Variants in NIBAN3 observed in about 807,000 individuals in gnomAD.
NIBAN3 encodes niban apoptosis regulator 3, also known as protein Niban 3.
In NIBAN3, 66 loss-of-function variants were observed where a neutral mutation model predicts 76.4. That is an observed-to-expected ratio of 0.86 (90% CI 0.71 to 1.06). The LOEUF (loss-of-function observed/expected upper bound fraction) is 1.06. Ranked by LOEUF, NIBAN3 falls within the 50% of genes least tolerant of loss-of-function variation. The probability of loss-of-function intolerance (pLI) is 0.00; values close to 1 mark genes in which losing one functional copy is unlikely to be tolerated. For synonymous variants in NIBAN3, 360 were observed against 355.2 expected (o/e 1.01, Z -0.15); for missense variants, 808 against 810.7 (o/e 1.00, Z 0.04).
chr19:17,541,417 C>T (rs1284523805), intron 9 of NIBAN3, among the ~76,000 whole-genome samples: 1 of 151,990 alleles, frequency 6.6e-6, no homozygotes, highest in African/African-American at 2.4e-5. Flanking sequence ...ACTTTCATAC[C>T]ACTGTGGGTG....
Position 17,539,201 on chromosome 19 carries a change from G to T in NIBAN3, c.647G>T (p.Arg216Leu). Residue 216 changes from arginine to leucine, a missense_variant, in exon 6 of 15, where the codon CGA becomes CTA. By Grantham distance (102) the Arg-to-Leu change is moderately radical. Coordinates refer to ENST00000599164, the MANE Select transcript of NIBAN3 (RefSeq NM_001321827.2). ...GCCCGGGCCTTCCTGGACGCCGTCC[G>T]ACTCTACCGGCAGCACCAAGGCCAC... ...PAARAFLDAVRLYRQHQGHFG... is the reference protein window; with the variant it reads ...PAARAFLDAVLLYRQHQGHFG... 1 of 1,608,092 alleles carries T rather than the reference G, an allele frequency of 6.2e-7. No homozygotes were observed. Among genetic ancestry groups the T allele is most frequent in the South Asian group, 1.1e-5 (1 of 90,132 alleles).
At chr19:17,545,161 A>AT (rs869259254) in intron 12 of NIBAN3, 4 of 133,350 alleles carry the variant, frequency 3.0e-5, no homozygotes, top group East Asian at 2.2e-4. Flanking sequence ...AGACTATTTT[A>AT]TTTATTTTAT....
At chr19:17,528,351 C>G (rs2075648187) in intron 1 of NIBAN3, among the ~76,000 whole-genome samples, 4 of 152,140 alleles carry the variant, frequency 2.6e-5, no homozygotes, top group Admixed American at 6.6e-5. Context: ...CTCAGCCTCC[C>G]AAAGTGCTGG....
chr19:17,528,082 TTG>T (rs2075641442), intron 1 of NIBAN3, among the ~76,000 whole-genome samples: 1 of 151,478 alleles, frequency 6.6e-6, no homozygotes, highest in Admixed American at 6.6e-5. Context: ...GGTTTTTTTT[TTG>T]TTTGTTTTGT....
chr19:17,542,083 C>G lies in NIBAN3; in HGVS notation c.1171-53C>G. 6.2e-7 allele frequency: 1 copy of G among 1,609,228 alleles called. No individual in the cohort carries two copies. The highest frequency in any genetic ancestry group is 8.5e-7 in the Non-Finnish European group (1 of 1,176,044). The stretch of plus-strand genomic sequence containing the variant: ...TGAATTGGTAATGGGGTCCCTGGCC[C>G]TTTGCAATCAGCTGACAGCATTTTT... On this transcript the variant is annotated intron_variant, in intron 9 of 14. Coordinates refer to ENST00000599164, the MANE Select transcript of NIBAN3 (RefSeq NM_001321827.2). This position sits in a 1 kb window ranked among gnomAD's most constrained non-coding sequence, Gnocchi z 4.8.
At position 17,551,999 on chromosome 19, in the gene NIBAN3, C is replaced by A; in HGVS notation, c.*101C>A. ...CATCTTTAGGCTTTTGTAACCCCTGCAACTTCAGAAAACTGTACCATTTTA... is the reference window on the plus strand; with the variant it reads ...CATCTTTAGGCTTTTGTAACCCCTGAAACTTCAGAAAACTGTACCATTTTA... On this transcript the variant is annotated 3_prime_UTR_variant, in exon 15 of 15. Transcript: ENST00000599164. The A allele has an allele frequency of 1.7e-6, 1 of 592,378 alleles. No homozygotes were observed. 36.7% of individuals were successfully genotyped at this position (592,378 alleles called of 1,614,324 possible).
At position 17,542,026 on chromosome 19, in the gene NIBAN3, G is replaced by A. The variant is rs532740053; in HGVS notation, c.1171-110G>A. 4.9e-4 allele frequency: 637 copies of A among 1,312,946 alleles called. 1 individual carries two copies. The highest frequency in any genetic ancestry group is 1.3e-3 in the Admixed American group (73 of 56,606). 81.3% of individuals were successfully genotyped at this position (1,312,946 alleles called of 1,614,324 possible). ...GAGTTTCTTTGGTGACAGCTGAGACGGGATGTATTTTCATTTGTGTTTCTC... is the reference window on the plus strand; with the variant it reads ...GAGTTTCTTTGGTGACAGCTGAGACAGGATGTATTTTCATTTGTGTTTCTC... On this transcript the variant is annotated intron_variant, in intron 9 of 14. Transcript: ENST00000599164. This position sits in a 1 kb window ranked among gnomAD's most constrained non-coding sequence, Gnocchi z 4.8.
chr19:17,546,700 C>T lies in NIBAN3; in HGVS notation c.1569C>T (p.Phe523=), dbSNP rs752996617. Residue 523 remains phenylalanine (F), a synonymous_variant, in exon 13 of 15, where the codon TTC becomes TTT. Coordinates refer to ENST00000599164, the MANE Select transcript of NIBAN3 (RefSeq NM_001321827.2). ...EPGCKKELPE[F]EGDVLAVGSQ... ...CATGGTTCCAGGAGCTGCCTGAGTT[C>T]GAGGGGGATGTCCTTGCCGTGGGCA... 6.8e-5 allele frequency: 108 copies of T among 1,584,696 alleles called. No individual in the cohort carries two copies. Among genetic ancestry groups the T allele is most frequent in the Middle Eastern group, 1.7e-4 (1 of 6,002 alleles).
At chr19:17,530,635 C>T in intron 1 of NIBAN3, 120 bp from the exon 2 acceptor site, 2 of 859,880 alleles carry the variant, frequency 2.3e-6, no homozygotes, top group South Asian at 4.4e-5. Flanking sequence ...GACAACTTGT[C>T]TGGAAGCTCA....
At chr19:17,547,349 TC>T (rs1251176782) in intron 13 of NIBAN3, among the ~76,000 whole-genome samples, 28 of 53,506 alleles carry the variant, frequency 5.2e-4, no homozygotes, top group African/African-American at 1.5e-3. Flanking sequence ...CGAGACTATG[TC>T]TTTTTTTTTT....
In NIBAN3 at chr19:17,542,248, T is replaced by G; in HGVS notation, c.1283T>G (p.Leu428Arg). ...CAGCTGGCAGCACCGTTTGGCTTTC[T>G]GGGGATGCAGAGCCTCGTGTTTGGG... ...LGQLAAPFGF[L>R]GMQSLVFGAQ... is the part of the protein sequence containing the mutation. Residue 428 changes from leucine to arginine, a missense_variant, in exon 10 of 15, where the codon CTG (leucine) becomes CGG (arginine). Physicochemically the swap from Leu to Arg is moderately radical, Grantham distance 102 (BLOSUM62 -2). Coordinates refer to ENST00000599164, the MANE Select transcript of NIBAN3 (RefSeq NM_001321827.2). This position sits in a 1 kb window ranked among gnomAD's most constrained non-coding sequence, Gnocchi z 4.8. 6.2e-7 allele frequency: 1 copy of G among 1,613,614 alleles called. No homozygotes were observed. Among genetic ancestry groups the G allele is most frequent in the Non-Finnish European group, 8.5e-7 (1 of 1,179,866 alleles).
intron 1 of NIBAN3, among the ~76,000 whole-genome samples, chr19:17,530,296 G>C (rs1418133043): frequency 6.6e-6 from 1 of 151,792 alleles, no homozygotes; most frequent in Non-Finnish European, 1.5e-5. Context: ...ACTCCAGCCT[G>C]ACAACAGAGT....
chr19:17,539,178 C>T lies in NIBAN3; in HGVS notation c.624C>T (p.Ala208=). Residue 208 remains alanine (A), a synonymous_variant, in exon 6 of 15, where the codon GCC becomes GCT. Transcript: ENST00000599164. The part of the protein sequence containing the change: ...IVLQRSQAPA[A]RAFLDAVRLY... ...TGCAGCGAAGCCAGGCCCCTGCTGCCCGGGCCTTCCTGGACGCCGTCCGAC... is the reference window on the plus strand; with the variant it reads ...TGCAGCGAAGCCAGGCCCCTGCTGCTCGGGCCTTCCTGGACGCCGTCCGAC... The T allele has an allele frequency of 5.0e-6, 8 of 1,601,968 alleles. No individual in the cohort carries two copies. The highest frequency in any genetic ancestry group is 6.8e-6 in the Non-Finnish European group (8 of 1,174,918).
At position 17,535,763 on chromosome 19, in the gene NIBAN3, G is replaced by A. The variant is rs1250524411; in HGVS notation, c.428-1613G>A. ...ACTCTGTCAAAAAAAAAAAAAAAAA[G>A]CCAGGTGGCTCACGCCTGCAGTCTC... is the stretch of plus-strand genomic sequence containing the variant. On this transcript the variant is annotated intron_variant, in intron 4 of 14. Transcript: ENST00000599164. Among the ~76,000 whole-genome samples, 519 of 132,728 alleles carry A rather than the reference G, an allele frequency of 3.9e-3. 4 individuals carry two copies. Among genetic ancestry groups the A allele is most frequent in the African/African-American group, 0.015 (484 of 33,370 alleles). 87.1% of individuals were successfully genotyped at this position (132,728 alleles called of 152,430 possible). A position where few individuals can be genotyped will look rare whatever the true frequency, so the allele number is the denominator to read the frequency against.
At chr19:17,531,671 C>T (rs570329590) in intron 2 of NIBAN3, among the ~76,000 whole-genome samples, 52 of 152,268 alleles carry the variant, frequency 3.4e-4, no homozygotes, top group African/African-American at 1.2e-3. Flanking sequence ...GTAGCTGGGA[C>T]CACAGGCGCC....
intron 9 of NIBAN3, among the ~76,000 whole-genome samples, chr19:17,541,387 G>A (rs954976578): frequency 6.6e-6 from 1 of 152,114 alleles, no homozygotes; most frequent in African/African-American, 2.4e-5. Context: ...AGTAGCCTGT[G>A]CTTCTCTTAT....
intron 4 of NIBAN3, 120 bp from the exon 5 acceptor site, chr19:17,537,256 C>T (rs570185936): frequency 4.2e-5 from 42 of 1,009,178 alleles, no homozygotes; most frequent in African/African-American, 3.1e-4. Flanking sequence ...TGGCAAGTAT[C>T]GTGGTATGAC....
chr19:17,524,034 A>G (rs2075582279), upstream of NIBAN3, among the ~76,000 whole-genome samples: 1 of 151,752 alleles, frequency 6.6e-6, no homozygotes, highest in South Asian at 2.1e-4. Flanking sequence ...TTCTACAGGC[A>G]CCCACCACCA....
At chr19:17,531,370 CACAA>C (rs1265975529) in intron 2 of NIBAN3, among the ~76,000 whole-genome samples, 3 of 139,460 alleles carry the variant, frequency 2.2e-5, no homozygotes, top group African/African-American at 8.7e-5. Flanking sequence ...CACACACACA[CACAA>C]CCATTCACTG....
Sources: gnomAD v4.1 joint callset for allele counts (sites outside exome capture counted in the v4.1 genomes callset) on GRCh38, gnomAD v4.1.1 for gene constraint, Gnocchi (gnomAD v3.1) non-coding constraint, MANE v1.5 for transcripts, NCBI Gene and HGNC (gene_info 2026-07-23, HGNC 2026-07-21) for gene names.